SNX29: variants seen among roughly 807,000 people sequenced by gnomAD.
The protein encoded by SNX29 is sorting nexin 29.
A neutral mutation model predicts 102.1 loss-of-function variants in SNX29; 78 were observed. The observed-to-expected ratio is 0.76, with a 90% confidence interval of 0.64 to 0.92. SNX29 has a LOEUF of 0.92. Ranked by LOEUF, SNX29 falls within the 40% of genes least tolerant of loss-of-function variation. The probability of loss-of-function intolerance (pLI) is 0.00; values close to 1 mark genes in which losing one functional copy is unlikely to be tolerated. For missense variants in SNX29, 1,280 were observed against 1,061.7 expected (o/e 1.21, Z -2.86); for synonymous variants, 580 against 414.5 (o/e 1.40, Z -4.85).
chr16:12,554,236 C>T (rs1567186864), intron 20 of SNX29, among the ~76,000 whole-genome samples: 1 of 152,220 alleles, frequency 6.6e-6, no homozygotes, highest in African/African-American at 2.4e-5. Flanking sequence ...TGAACATCTC[C>T]CTCGGCTGCA....
intron 11 of SNX29, among the ~76,000 whole-genome samples, chr16:12,088,818 G>A (rs2052351959): frequency 1.3e-5 from 2 of 152,134 alleles, no homozygotes; most frequent in African/African-American, 2.4e-5. Flanking sequence ...AGGTGCAGTG[G>A]CCCATGCCTA....
intron 20 of SNX29, among the ~76,000 whole-genome samples, chr16:12,542,960 AAAG>A (rs1198522746): frequency 2.0e-5 from 3 of 152,124 alleles, no homozygotes; most frequent in Non-Finnish European, 2.9e-5. Flanking sequence ...TTGAAGCAGA[AAAG>A]AAGTACTTAC....
At chr16:12,022,890 T>G (rs1419333192) in intron 3 of SNX29, among the ~76,000 whole-genome samples, 1 of 147,622 alleles carries the variant, frequency 6.8e-6, no homozygotes, top group Non-Finnish European at 1.5e-5. Context: ...ATCAGTACCT[T>G]ATTCCTTTTT....
At chr16:12,553,427 C>A (rs2078116158) in intron 20 of SNX29, among the ~76,000 whole-genome samples, 2 of 152,184 alleles carry the variant, frequency 1.3e-5, no homozygotes, top group South Asian at 4.1e-4. Context: ...AGGTCTGACA[C>A]ACTCCAACCT....
chr16:12,366,506 C>T (rs915110377), intron 16 of SNX29, among the ~76,000 whole-genome samples: 4 of 152,092 alleles, frequency 2.6e-5, no homozygotes, highest in Non-Finnish European at 4.4e-5. Flanking sequence ...TCTGCAGGGC[C>T]CGGAGGAGAG....
At chr16:12,226,892 T>C (rs796946454) in intron 14 of SNX29, among the ~76,000 whole-genome samples, 12 of 152,340 alleles carry the variant, frequency 7.9e-5, no homozygotes, top group African/African-American at 2.9e-4. Context: ...CTTCAGGTTT[T>C]GGTGGCATTT....
intron 11 of SNX29, among the ~76,000 whole-genome samples, chr16:12,106,648 AT>A (rs57242428): frequency 3.2e-4 from 45 of 142,224 alleles, no homozygotes; most frequent in Admixed American, 3.5e-4. Context: ...TCATTTTTCT[AT>A]TTTTTTTTTT....
rs142319322 is a variant in SNX29 at position 12,573,403 on chromosome 16, G to C, written c.*4774G>C. On this transcript the variant is annotated 3_prime_UTR_variant, in exon 21 of 21. Coordinates refer to ENST00000566228, the MANE Select transcript of SNX29 (RefSeq NM_032167.5). ...TCCTTCCTTATAGCTAGTTTCTATA[G>C]AGAAGTGAAAAAGAAATCTGGCTTC... 1.3e-3 allele frequency: 294 copies of C among 224,316 alleles called. 4 individuals are homozygous for C. Among genetic ancestry groups the C allele is most frequent in the African/African-American group, 5.7e-3 (258 of 44,952 alleles). The allele number at this position is 224,316 out of a possible 1,614,324, so 13.9% of individuals were successfully genotyped here. A position where few individuals can be genotyped will look rare whatever the true frequency, so the allele number is the denominator to read the frequency against.
chr16:12,547,987 GT>G (rs1414875558), intron 20 of SNX29, among the ~76,000 whole-genome samples: 1 of 152,120 alleles, frequency 6.6e-6, no homozygotes, highest in Non-Finnish European at 1.5e-5. Context: ...TGGCACAGGG[GT>G]CTCGAGTGAA....
intron 20 of SNX29, among the ~76,000 whole-genome samples, chr16:12,558,728 C>G (rs1362055286): frequency 6.6e-6 from 1 of 152,184 alleles, no homozygotes; most frequent in African/African-American, 2.4e-5. Flanking sequence ...GCTGCACAAG[C>G]CTCACCACTA....
intron 14 of SNX29, among the ~76,000 whole-genome samples, chr16:12,218,570 A>C (rs190127509): frequency 1.3e-5 from 2 of 152,322 alleles, no homozygotes; most frequent in Admixed American, 1.3e-4. Context: ...CCCGCTGAAG[A>C]AAATGTGTGC....
In SNX29 at chr16:12,382,746, T is replaced by G. The variant is rs536100678; in HGVS notation, c.1900-15700T>G. Among the ~76,000 whole-genome samples, 6 of 152,280 alleles carry G rather than the reference T, an allele frequency of 3.9e-5. No individual in the cohort carries two copies. In the South Asian group the frequency reaches 1.2e-3, roughly 32 times the overall value. On this transcript the variant is annotated intron_variant, in intron 16 of 20. Transcript: ENST00000566228. Reference sequence around the variant, plus strand: ...CCTGGAGGCTCTAGGGGAAGATCCTTCCCTGTCTCTTCTAGCCTCGGGTGG... The same window carrying G: ...CCTGGAGGCTCTAGGGGAAGATCCTGCCCTGTCTCTTCTAGCCTCGGGTGG...
intron 18 of SNX29, among the ~76,000 whole-genome samples, chr16:12,466,917 G>T (rs971995813): frequency 2.0e-5 from 3 of 152,230 alleles, no homozygotes; most frequent in Non-Finnish European, 2.9e-5. Flanking sequence ...AAATGGTCCA[G>T]TCCATGGCAT....
At chr16:12,374,214 G>T (rs750625362) in intron 16 of SNX29, 1 of 152,220 alleles carries the variant, frequency 6.6e-6, no homozygotes, top group African/African-American at 2.4e-5. Context: ...TCTTCCCTAC[G>T]CCAGGGACTG....
At chr16:12,541,480 C>T (rs1210416794) in intron 20 of SNX29, among the ~76,000 whole-genome samples, 1 of 152,134 alleles carries the variant, frequency 6.6e-6, no homozygotes, top group Admixed American at 6.5e-5. Flanking sequence ...GCCAGGATCT[C>T]AGACCCAGAC....
chr16:12,160,337 T>A (rs1028164562), intron 13 of SNX29, among the ~76,000 whole-genome samples: 2 of 152,260 alleles, frequency 1.3e-5, no homozygotes, highest in African/African-American at 4.8e-5. Context: ...TCAGGATCTT[T>A]CAGCCCTCTG....
intron 14 of SNX29, among the ~76,000 whole-genome samples, chr16:12,234,599 A>G (rs189287273): frequency 1.3e-5 from 2 of 151,364 alleles, no homozygotes; most frequent in Admixed American, 1.3e-4. Context: ...TTCTTTTGTC[A>G]TGTACTTTTG....
chr16:12,250,113 A>G (rs373825271), intron 14 of SNX29, among the ~76,000 whole-genome samples: 1 of 152,154 alleles, frequency 6.6e-6, no homozygotes, highest in East Asian at 1.9e-4. Context: ...TCCTGCAGGA[A>G]CCAACATAAA....
Position 12,155,617 on chromosome 16 carries a change from C to A in SNX29, c.1595+25859C>A, listed in dbSNP as rs577885885. Among the ~76,000 whole-genome samples, 4 of 152,310 alleles carry A rather than the reference C, an allele frequency of 2.6e-5. No homozygotes were observed. The South Asian group carries it at 8.3e-4, about 32-fold the overall frequency. On this transcript the variant is annotated intron_variant, in intron 13 of 20. Coordinates refer to ENST00000566228, the MANE Select transcript of SNX29 (RefSeq NM_032167.5). Reference sequence around the variant, plus strand: ...GAGGCCGCTTTTCTATGCTAGCTGCCTCTTGAGGGCAGACTGTGGAGTTGG... The same window carrying A: ...GAGGCCGCTTTTCTATGCTAGCTGCATCTTGAGGGCAGACTGTGGAGTTGG...
Sources: allele counts gnomAD v4.1 joint callset (sites outside exome capture counted in the v4.1 genomes callset), GRCh38; gene constraint gnomAD v4.1.1; transcripts MANE v1.5; gene names NCBI Gene and HGNC (gene_info 2026-07-23, HGNC 2026-07-21).